TRAF2: variants seen among roughly 807,000 people sequenced by gnomAD.
The protein encoded by TRAF2 is TNF receptor-associated factor 2.
A neutral mutation model predicts 55.6 loss-of-function variants in TRAF2; 6 were observed. The observed-to-expected ratio is 0.11, with a 90% CI of 0.06 to 0.21. The LOEUF is 0.21. Ranked by LOEUF, TRAF2 falls within the 10% of genes least tolerant of loss-of-function variation. The pLI is 1.00. For missense variants in TRAF2, 561 were observed against 684.5 expected, an observed-to-expected ratio of 0.82 and a Z score of 2.01; for synonymous variants, 329 against 276.3, an observed-to-expected ratio of 1.19 and a Z score of -1.89.
At chr9:136,918,349 A>G (rs999706015) in intron 7 of TRAF2, among the ~76,000 whole-genome samples, 1 of 150,104 alleles carries the variant, frequency 6.7e-6, no homozygotes, top group Non-Finnish European at 1.5e-5. Context: ...AGCTCACTGC[A>G]ACCTCTGCCT....
chr9:136,900,610 C>T lies in TRAF2; in HGVS notation c.366+90C>T, dbSNP rs370468010. On this transcript the variant is annotated intron_variant, in intron 4 of 10. Transcript: ENST00000247668. ...CAAGCAGTTATGACCTTGTCCTGCA[C>T]GTTCCTCTCACTGGGGCTGAAGCCT... 76 of 1,038,896 alleles carry T rather than the reference C, an allele frequency of 7.3e-5. No individual in the cohort carries two copies. The East Asian group carries it at 1.3e-3, about 18-fold the overall frequency. The allele number at this position is 1,038,896 out of a possible 1,614,324, so 64.4% of individuals were successfully genotyped here. A position where few individuals can be genotyped will look rare whatever the true frequency, so the allele number is the denominator to read the frequency against.
chr9:136,905,660 C>T (rs937739601), intron 4 of TRAF2, among the ~76,000 whole-genome samples: 2 of 152,186 alleles, frequency 1.3e-5, no homozygotes, highest in African/African-American at 2.4e-5. Flanking sequence ...GACTTCCATT[C>T]CCTTTCTCTG....
At chr9:136,897,982 G>A (rs1357473431) in intron 1 of TRAF2, among the ~76,000 whole-genome samples, 1 of 125,332 alleles carries the variant, frequency 8.0e-6, no homozygotes, top group East Asian at 2.6e-4. Context: ...ATCCGTGGTA[G>A]CTATAGGGAG....
At chr9:136,886,513 C>G (rs1453564921), upstream of TRAF2, 1 of 993,108 alleles carries the variant, frequency 1.0e-6, no homozygotes, top group Middle Eastern at 3.9e-4. Flanking sequence ...TGGGCGGGCC[C>G]TTAGTTCCGG....
In TRAF2 at chr9:136,907,982, G is replaced by T. The variant is rs186357512; in HGVS notation, c.367-88G>T. 679 of 1,505,288 alleles carry T rather than the reference G, an allele frequency of 4.5e-4. 2 individuals carry two copies. In the African/African-American group the frequency reaches 8.4e-3, roughly 19 times the overall value. The allele number at this position is 1,505,288 out of a possible 1,614,324, so 93.2% of individuals were successfully genotyped here. A position where few individuals can be genotyped will look rare whatever the true frequency, so the allele number is the denominator to read the frequency against. On this transcript the variant is annotated intron_variant, in intron 4 of 10. Coordinates refer to ENST00000247668, the MANE Select transcript of TRAF2 (RefSeq NM_021138.4). ...ACCAGCATGCGGACACCAAGCCAGC[G>T]CTACATCGCCTTGTGTCCCCGGGTG...
chr9:136,910,060 G>T (rs780447534), intron 6 of TRAF2, 66 bp downstream of exon 6: 2 of 1,488,982 alleles, frequency 1.3e-6, no homozygotes, highest in Non-Finnish European at 9.2e-7. Flanking sequence ...TGAGGGTCCC[G>T]TGGGTGGGGG....
intron 4 of TRAF2, among the ~76,000 whole-genome samples, chr9:136,906,768 G>C (rs1193780315): frequency 2.6e-5 from 4 of 152,208 alleles, no homozygotes; most frequent in Non-Finnish European, 1.5e-5. Context: ...TGACTTCTCT[G>C]TGTTCCTGTA....
chr9:136,920,940 C>A, intron 8 of TRAF2, 98 bp from the exon 9 acceptor site: 1 of 1,460,762 alleles, frequency 6.8e-7, no homozygotes, highest in Middle Eastern at 2.4e-4. Context: ...CAGGGGTGCC[C>A]AAGAGCACTG....
At chr9:136,923,218 G>A (rs965939003) in intron 9 of TRAF2, among the ~76,000 whole-genome samples, 72 of 152,226 alleles carry the variant, frequency 4.7e-4, no homozygotes, top group African/African-American at 1.6e-3. Context: ...GGCTCCCTCT[G>A]TGGCTCTGCC....
At chr9:136,907,926 T>G in intron 4 of TRAF2, 144 bp from the exon 5 acceptor site, 20 of 988,986 alleles carry the variant, frequency 2.0e-5, no homozygotes, top group Non-Finnish European at 2.8e-5. Flanking sequence ...GTGGGAGCCC[T>G]GAGAGCTATC....
chr9:136,898,089 G>T (rs1234674437), intron 1 of TRAF2, among the ~76,000 whole-genome samples: 12 of 151,040 alleles, frequency 7.9e-5, no homozygotes, highest in African/African-American at 2.9e-4. Flanking sequence ...CTCCAGGTGT[G>T]CTACATTCCC....
intron 2 of TRAF2, among the ~76,000 whole-genome samples, chr9:136,899,189 A>C (rs1391025571): frequency 6.6e-6 from 1 of 152,232 alleles, no homozygotes; most frequent in Non-Finnish European, 1.5e-5. Flanking sequence ...TATTATTTTT[A>C]ATGTGAGTAC....
chr9:136,924,878 A>T (rs932611320), intron 10 of TRAF2, among the ~76,000 whole-genome samples: 3 of 151,998 alleles, frequency 2.0e-5, no homozygotes, highest in Non-Finnish European at 4.4e-5. Flanking sequence ...AGCTGGGACT[A>T]CAGGCATGCA....
chr9:136,905,691 C>T (rs1042057807), intron 4 of TRAF2, among the ~76,000 whole-genome samples: 12 of 152,226 alleles, frequency 7.9e-5, no homozygotes, highest in Non-Finnish European at 1.0e-4. Flanking sequence ...TAGCAGACTT[C>T]TCCCAAAAGA....
At chr9:136,902,886 T>C (rs1849854441) in intron 4 of TRAF2, among the ~76,000 whole-genome samples, 1 of 152,304 alleles carries the variant, frequency 6.6e-6, no homozygotes, top group African/African-American at 2.4e-5. Flanking sequence ...CGGAACTTTA[T>C]TGGAAAAGGG....
chr9:136,917,476 T>TG (rs1463747426), intron 7 of TRAF2, among the ~76,000 whole-genome samples: 1 of 152,192 alleles, frequency 6.6e-6, no homozygotes, highest in African/African-American at 2.4e-5. Context: ...TTGTCCGTCT[T>TG]GCCCTGTACA....
intron 5 of TRAF2, among the ~76,000 whole-genome samples, 199 bp from the exon 6 acceptor site, chr9:136,909,721 A>G (rs918662479): frequency 6.6e-6 from 1 of 152,126 alleles, no homozygotes; most frequent in African/African-American, 2.4e-5. Context: ...GGCAGAACAA[A>G]CAAAGCGTTA....
chr9:136,925,819 T>C lies in TRAF2; in HGVS notation c.1424T>C (p.Val475Ala). The change falls in exon 11 of 11, where the codon GTC (valine) becomes GCC (alanine). Residue 475 changes from valine (V) to alanine (A), a missense_variant. By Grantham distance (64) the Val-to-Ala change is moderately conservative (BLOSUM62 0). Around this residue, in one of 2 missense-constraint regions of TRAF2, gnomAD observed 135 missense variants for 207.7 expected, o/e 0.65. Transcript: ENST00000247668. ...IASGCPLFCP[V>A]SKMEAKNSYV... is the part of the protein sequence containing the mutation. ...AGCGGCTGCCCCCTCTTCTGCCCCG[T>C]CTCCAAGATGGAGGCAAAGAATTCC... 1 of 1,614,228 alleles carries C rather than the reference T, an allele frequency of 6.2e-7. No homozygotes were observed. The highest frequency in any genetic ancestry group is 8.5e-7 in the Non-Finnish European group (1 of 1,180,042).
At chr9:136,908,902 G>A (rs1320014688) in intron 5 of TRAF2, among the ~76,000 whole-genome samples, 1 of 149,630 alleles carries the variant, frequency 6.7e-6, no homozygotes, top group Non-Finnish European at 1.5e-5. Flanking sequence ...GCCAGGCACG[G>A]TGGCGAGTGC....
Sources: gnomAD v4.1 joint callset for allele counts (sites outside exome capture counted in the v4.1 genomes callset) on GRCh38, gnomAD v4.1.1 for gene constraint, gnomAD v4.1.1 regional missense constraint, MANE v1.5 for transcripts, NCBI Gene and HGNC (gene_info 2026-07-23, HGNC 2026-07-21) for gene names.